SETDB1: variants seen among roughly 807,000 people sequenced by gnomAD.
The protein encoded by SETDB1 is histone-lysine N-methyltransferase SETDB1.
In SETDB1, 31 loss-of-function variants were observed where a neutral mutation model predicts 137.4. The ratio of observed to expected loss-of-function variants is 0.23; its 90% CI spans 0.17 to 0.30. SETDB1 has a LOEUF of 0.30. Among genes scored for constraint, SETDB1 ranks in the 10% least tolerant of loss-of-function variants. The pLI is 1.00. For synonymous variants in SETDB1, 548 were observed against 579.9 expected, an observed-to-expected ratio of 0.95 and a Z score of 0.79; for missense variants, 1,113 against 1,631.5, an observed-to-expected ratio of 0.68 and a Z score of 5.47.
At chr1:150,943,148 T>G (rs1670214210) in intron 7 of SETDB1, 95 bp downstream of exon 7, 1 of 841,072 alleles carries the variant, frequency 1.2e-6, no homozygotes, top group South Asian at 1.6e-5. Flanking sequence ...AGCTTTTGTC[T>G]TCTTAGTCCC....
intron 15 of SETDB1, 107 bp downstream of exon 15, chr1:150,959,454 GT>G: frequency 1.1e-6 from 1 of 899,850 alleles, no homozygotes; most frequent in Non-Finnish European, 1.8e-6. Flanking sequence ...GTGAACTGGA[GT>G]AAGAGGAGGC....
intron 5 of SETDB1, among the ~76,000 whole-genome samples, chr1:150,941,845 A>G (rs948721061): frequency 6.6e-6 from 1 of 152,078 alleles, no homozygotes; most frequent in African/African-American, 2.4e-5. Flanking sequence ...AAAATGTTTA[A>G]AAATTCTCCA....
At position 150,964,682 on chromosome 1, in the gene SETDB1, A is replaced by G. The variant is rs1450977493; in HGVS notation, c.*318A>G. 6 of 596,176 alleles carry G rather than the reference A, an allele frequency of 1.0e-5. No individual in the cohort carries two copies. The highest frequency in any genetic ancestry group is 2.0e-5 in the South Asian group (1 of 49,076). The allele number at this position is 596,176 out of a possible 1,614,324, so 36.9% of individuals were successfully genotyped here. On this transcript the variant is annotated 3_prime_UTR_variant, in exon 22 of 22. Transcript: ENST00000692827. ...TTCTTAGAATGGAGCCTGTGTATCT[A>G]CTATCTCCAGTTTGTATTATTTCTT...
At chr1:150,935,789 C>T (rs920185763) in intron 3 of SETDB1, among the ~76,000 whole-genome samples, 1 of 152,068 alleles carries the variant, frequency 6.6e-6, no homozygotes, top group East Asian at 1.9e-4. Flanking sequence ...AATTTCCTAT[C>T]GTTCTTTGAG....
intron 8 of SETDB1, 39 bp downstream of exon 8, chr1:150,944,032 C>G (rs1272886348): frequency 7.5e-7 from 1 of 1,336,706 alleles, no homozygotes. Flanking sequence ...CAGTTTTCTC[C>G]TCTACCTTGT....
At chr1:150,932,933 T>C (rs1206891205) in intron 3 of SETDB1, among the ~76,000 whole-genome samples, 5 of 152,214 alleles carry the variant, frequency 3.3e-5, no homozygotes, top group Non-Finnish European at 7.3e-5. Context: ...TTAATTTTCC[T>C]TGTGGTTGTT....
At chr1:150,963,508 C>A in intron 19 of SETDB1, 22 bp from the exon 20 acceptor site, 8 of 1,588,582 alleles carry the variant, frequency 5.0e-6, no homozygotes, top group Non-Finnish European at 6.9e-6. Flanking sequence ...TGGGTCCTGA[C>A]CCCATTCTCC....
chr1:150,932,591 A>C (rs981660586), intron 3 of SETDB1, among the ~76,000 whole-genome samples: 7 of 152,184 alleles, frequency 4.6e-5, no homozygotes, highest in African/African-American at 1.4e-4. Context: ...TTACTTTTAT[A>C]TAAACTTCAG....
chr1:150,953,580 A>G (rs61819170), intron 14 of SETDB1, among the ~76,000 whole-genome samples: 24 of 149,836 alleles, frequency 1.6e-4, no homozygotes, highest in Admixed American at 3.3e-4. Flanking sequence ...TGTAATCCCA[A>G]CACTTTGGGA....
rs1201953318 is a variant in SETDB1 at position 150,964,615 on chromosome 1, A to C, written c.*251A>C. 6.2e-6 allele frequency: 4 copies of C among 648,376 alleles called. No homozygotes were observed. The highest frequency in any genetic ancestry group is 1.8e-5 in the African/African-American group (1 of 55,642). 40.2% of individuals were successfully genotyped at this position (648,376 alleles called of 1,614,324 possible). A position where few individuals can be genotyped will look rare whatever the true frequency, so the allele number is the denominator to read the frequency against. Reference sequence around the variant, plus strand: ...CTAACCTCGGCCTGACATCCCTCCCATCCCATATTTGTCCAAGTGTTCCTG... The same window carrying C: ...CTAACCTCGGCCTGACATCCCTCCCCTCCCATATTTGTCCAAGTGTTCCTG... On this transcript the variant is annotated 3_prime_UTR_variant, in exon 22 of 22. Coordinates refer to ENST00000692827, the MANE Select transcript of SETDB1 (RefSeq NM_001366418.1).
chr1:150,959,862 A>G (rs1670766411), intron 15 of SETDB1, among the ~76,000 whole-genome samples: 1 of 152,166 alleles, frequency 6.6e-6, no homozygotes, highest in African/African-American at 2.4e-5. Flanking sequence ...ACCTGAGGTC[A>G]GGAGTTGGAG....
intron 16 of SETDB1, chr1:150,961,877 G>C (rs973121801): frequency 8.2e-5 from 47 of 575,366 alleles, no homozygotes; most frequent in Non-Finnish European, 1.1e-4. Flanking sequence ...TGGTGAAACT[G>C]TCCCTGGTTG....
intron 9 of SETDB1, 88 bp downstream of exon 9, chr1:150,945,196 C>G: frequency 6.4e-7 from 1 of 1,565,362 alleles, no homozygotes; most frequent in Non-Finnish European, 8.7e-7. Context: ...ATAGCTATTC[C>G]ATAGCCTTCC....
chr1:150,933,464 C>T (rs2102651314), intron 3 of SETDB1, among the ~76,000 whole-genome samples: 1 of 150,106 alleles, frequency 6.7e-6, no homozygotes, highest in Admixed American at 6.7e-5. Flanking sequence ...GCAACCTTTG[C>T]CTCCTGGGTT....
At chr1:150,935,973 T>C (rs1669933533) in intron 3 of SETDB1, among the ~76,000 whole-genome samples, 1 of 152,090 alleles carries the variant, frequency 6.6e-6, no homozygotes, top group Non-Finnish European at 1.5e-5. Context: ...TTCCTGAGAG[T>C]TCCATATCCT....
intron 12 of SETDB1, 73 bp downstream of exon 12, chr1:150,949,598 TG>T: frequency 7.1e-7 from 1 of 1,409,756 alleles, no homozygotes; most frequent in Non-Finnish European, 9.8e-7. Context: ...GTTCCTTGGC[TG>T]TAAGCGAAGG....
At chr1:150,933,749 CTTTTTCTTTTT>C (rs1669845209) in intron 3 of SETDB1, among the ~76,000 whole-genome samples, 1 of 11,058 alleles carries the variant, frequency 9.0e-5, no homozygotes, top group Non-Finnish European at 3.8e-4. Context: ...TCTGATTTTT[CTTTTTCTTTTT>C]CTTTTTCTTT....
Position 150,964,437 on chromosome 1 carries a change from C to T in SETDB1, c.*73C>T. 1 of 1,125,132 alleles carries T rather than the reference C, an allele frequency of 8.9e-7. No individual in the cohort carries two copies. Among genetic ancestry groups the T allele is most frequent in the South Asian group, 1.3e-5 (1 of 77,122 alleles). 69.7% of individuals were successfully genotyped at this position (1,125,132 alleles called of 1,614,324 possible). On this transcript the variant is annotated 3_prime_UTR_variant, in exon 22 of 22. Coordinates refer to ENST00000692827, the MANE Select transcript of SETDB1 (RefSeq NM_001366418.1). Reference sequence around the variant, plus strand: ...ACTGGGTCTTCCTGATTGTTGAACCCTGACCCGAAGTCTCTGGGCTAGCTA... The same window carrying T: ...ACTGGGTCTTCCTGATTGTTGAACCTTGACCCGAAGTCTCTGGGCTAGCTA...
intron 3 of SETDB1, among the ~76,000 whole-genome samples, chr1:150,932,732 C>T (rs907705416): frequency 1.8e-4 from 28 of 151,966 alleles, no homozygotes; most frequent in African/African-American, 6.8e-4. Flanking sequence ...TTTTTCTAGC[C>T]TCTCAAAGTG....
Sources: gnomAD v4.1 joint callset for allele counts (sites outside exome capture counted in the v4.1 genomes callset) on GRCh38, gnomAD v4.1.1 for gene constraint, MANE v1.5 for transcripts, NCBI Gene and HGNC (gene_info 2026-07-23, HGNC 2026-07-21) for gene names.